Variants in ASIC2 observed in about 807,000 individuals in gnomAD.
ASIC2 encodes the protein acid-sensing ion channel 2.
Under a neutral mutation model 57.3 loss-of-function variants are expected in ASIC2, and 25 were observed. That is an observed-to-expected ratio of 0.44 (90% CI 0.32 to 0.61). The LOEUF (loss-of-function observed/expected upper bound fraction) is 0.61. Ranked by LOEUF, ASIC2 falls within the 20% of genes least tolerant of loss-of-function variation. The pLI is 0.06. For synonymous variants in ASIC2, 319 were observed against 307.5 expected (o/e 1.04, Z -0.39); for missense variants, 641 against 738.1 (o/e 0.87, Z 1.52).
chr17:33,196,035 C>T (rs1010690723), intron 1 of ASIC2, among the ~76,000 whole-genome samples: 2 of 152,176 alleles, frequency 1.3e-5, no homozygotes, highest in African/African-American at 2.4e-5. Context: ...CCGGATACCC[C>T]GCCAGTCACT....
At chr17:33,798,157 A>G (rs1911975714) in intron 1 of ASIC2, among the ~76,000 whole-genome samples, 1 of 152,174 alleles carries the variant, frequency 6.6e-6, no homozygotes, top group African/African-American at 2.4e-5. Context: ...ATGAGGAGGT[A>G]AAGGGAGAGA....
chr17:34,069,482 C>T (rs764736338), intron 1 of ASIC2: 1 of 151,214 alleles, frequency 6.6e-6, no homozygotes, highest in East Asian at 1.9e-4. Context: ...CTATCACTGA[C>T]TGAGTTAGTT....
At chr17:34,053,637 T>G (rs1174642261) in intron 1 of ASIC2, among the ~76,000 whole-genome samples, 1 of 152,186 alleles carries the variant, frequency 6.6e-6, no homozygotes, top group African/African-American at 2.4e-5. Flanking sequence ...AAGATTTAAT[T>G]TCAAATAAAC....
At chr17:33,990,082 C>T (rs1905954173) in intron 1 of ASIC2, among the ~76,000 whole-genome samples, 1 of 152,258 alleles carries the variant, frequency 6.6e-6, no homozygotes. Context: ...AGAAGAAGGG[C>T]TAGCTTAAGG....
intron 3 of ASIC2, among the ~76,000 whole-genome samples, chr17:33,059,938 G>T (rs2092013727): frequency 6.6e-6 from 1 of 152,114 alleles, no homozygotes; most frequent in Non-Finnish European, 1.5e-5. Context: ...TCATGTGTCT[G>T]TTGGCAGCAT....
intron 1 of ASIC2, among the ~76,000 whole-genome samples, chr17:33,199,623 C>G: frequency 6.6e-6 from 1 of 152,218 alleles, no homozygotes; most frequent in Admixed American, 6.5e-5. Flanking sequence ...CTCCTTTCCC[C>G]TTTCCCTTAA....
intron 1 of ASIC2, among the ~76,000 whole-genome samples, chr17:34,087,988 TC>T (rs1567816045): frequency 1.3e-5 from 2 of 152,250 alleles, no homozygotes; most frequent in Non-Finnish European, 2.9e-5. Flanking sequence ...GGTTTGAATT[TC>T]CTCCTGTAGC....
At chr17:34,127,192 G>A (rs1237856175) in intron 1 of ASIC2, among the ~76,000 whole-genome samples, 1 of 152,100 alleles carries the variant, frequency 6.6e-6, no homozygotes, top group East Asian at 1.9e-4. Flanking sequence ...AAGGCCAGGG[G>A]GTCAAAGGAG....
At chr17:33,972,470 C>T (rs1329217263) in intron 1 of ASIC2, among the ~76,000 whole-genome samples, 3 of 152,040 alleles carry the variant, frequency 2.0e-5, no homozygotes, top group Admixed American at 6.5e-5. Flanking sequence ...ATTAATGGTC[C>T]GCTAGTTCTT....
intron 1 of ASIC2, 126 bp downstream of exon 1, chr17:33,291,282 T>A: frequency 7.0e-7 from 1 of 1,431,374 alleles, no homozygotes; most frequent in South Asian, 1.5e-5. Flanking sequence ...GGGTTCTGCC[T>A]TGGCATCGTG....
At chr17:33,123,417 A>G (rs890283276) in intron 1 of ASIC2, among the ~76,000 whole-genome samples, 1 of 152,242 alleles carries the variant, frequency 6.6e-6, no homozygotes. Context: ...ATACCACATG[A>G]TCTCACTTAT....
chr17:33,474,065 C>T (rs4795794), intron 1 of ASIC2, among the ~76,000 whole-genome samples: 33,530 of 152,154 alleles, frequency 0.22, 4,094 homozygotes, highest in Non-Finnish European at 0.28. Flanking sequence ...AGACAGAGTC[C>T]TAACAAGAAA....
At chr17:34,046,724 A>G (rs886305098) in intron 1 of ASIC2, among the ~76,000 whole-genome samples, 2 of 152,242 alleles carry the variant, frequency 1.3e-5, no homozygotes, top group Admixed American at 6.5e-5. Context: ...GCTGGGACTT[A>G]GAAAAGCAAA....
intron 1 of ASIC2, among the ~76,000 whole-genome samples, chr17:33,729,315 G>A (rs987809501): frequency 3.3e-5 from 5 of 152,056 alleles, no homozygotes; most frequent in Admixed American, 2.0e-4. Flanking sequence ...AACTCAGAGC[G>A]AGAACTCATT....
intron 1 of ASIC2, among the ~76,000 whole-genome samples, chr17:34,117,618 A>G (rs1348637010): frequency 6.6e-6 from 1 of 152,168 alleles, no homozygotes; most frequent in East Asian, 1.9e-4. Context: ...AATCATCCCA[A>G]CAGAAGATGC....
intron 1 of ASIC2, among the ~76,000 whole-genome samples, chr17:33,285,831 C>A (rs918112905): frequency 1.3e-5 from 2 of 152,316 alleles, no homozygotes; most frequent in South Asian, 4.1e-4. Context: ...GGTTATTGCA[C>A]AGAATTGAGA....
At chr17:33,916,178 C>T (rs1438172543) in intron 1 of ASIC2, among the ~76,000 whole-genome samples, 1 of 152,148 alleles carries the variant, frequency 6.6e-6, no homozygotes, top group Non-Finnish European at 1.5e-5. Context: ...GCTAGGCATG[C>T]AACTCCAGGG....
Position 34,041,339 on chromosome 17 carries a change from T to C in ASIC2, c.555+114639A>G, listed in dbSNP as rs1292895037. ...CCTCTGAACATTAAGCCAACAGTCT[T>C]GAATCATGACAAGAGCCTCTCCACA... On this transcript the variant is annotated intron_variant, in intron 1 of 9. Transcript: ENST00000359872. 3 of 152,278 alleles carry C rather than the reference T, an allele frequency of 2.0e-5. No homozygotes were observed. The South Asian group carries it at 6.2e-4, about 32-fold the overall frequency. The allele number at this position is 152,278 out of a possible 1,614,324, so 9.4% of individuals were successfully genotyped here.
chr17:33,790,662 G>C (rs1037877488), intron 1 of ASIC2, among the ~76,000 whole-genome samples: 12 of 152,028 alleles, frequency 7.9e-5, no homozygotes, highest in Admixed American at 6.5e-4. Flanking sequence ...TGCATAAGCT[G>C]ATTTATTATA....
Sources: allele counts gnomAD v4.1 joint callset (sites outside exome capture counted in the v4.1 genomes callset), GRCh38; gene constraint gnomAD v4.1.1; transcripts MANE v1.5; gene names NCBI Gene and HGNC (gene_info 2026-07-23, HGNC 2026-07-21).